The following HS6ST3 variants were observed in gnomAD, a reference collection of about 807,000 sequenced individuals.
HS6ST3 encodes heparan-sulfate 6-O-sulfotransferase 3.
HS6ST3 carries 12 observed loss-of-function variants against 36.7 expected under a neutral mutation model. The ratio of observed to expected loss-of-function variants is 0.33; its 90% CI spans 0.21 to 0.53. The LOEUF is 0.53. HS6ST3 is among the 20% of genes least tolerant of loss of function. The pLI, the probability that HS6ST3 is intolerant of heterozygous loss-of-function variation, is 0.95. For missense variants in HS6ST3, 584 were observed against 640.9 expected (o/e 0.91, Z 0.96); for synonymous variants, 240 against 257.5 (o/e 0.93, Z 0.65).
At chr13:96,183,109 T>A (rs1169049700) in intron 1 of HS6ST3, among the ~76,000 whole-genome samples, 1 of 152,214 alleles carries the variant, frequency 6.6e-6, no homozygotes, top group Non-Finnish European at 1.5e-5. Flanking sequence ...ATAATAACAA[T>A]CATTTTCATA....
intron 1 of HS6ST3, among the ~76,000 whole-genome samples, chr13:96,575,962 G>C (rs1310790941): frequency 6.6e-6 from 1 of 152,154 alleles, no homozygotes; most frequent in East Asian, 1.9e-4. Flanking sequence ...TGGGTGCCAC[G>C]CCAGTGAACA....
chr13:96,238,720 T>C (rs2054546381), intron 1 of HS6ST3, among the ~76,000 whole-genome samples: 1 of 152,258 alleles, frequency 6.6e-6, no homozygotes, highest in Admixed American at 6.5e-5. Context: ...AGTCAGGTTG[T>C]TGTCCCCTCC....
chr13:96,425,544 T>C (rs926261021), intron 1 of HS6ST3, among the ~76,000 whole-genome samples: 1 of 152,106 alleles, frequency 6.6e-6, no homozygotes, highest in Non-Finnish European at 1.5e-5. Flanking sequence ...TTCTTATTTG[T>C]AAAAAAATGA....
intron 1 of HS6ST3, among the ~76,000 whole-genome samples, chr13:96,402,972 G>T (rs1272072524): frequency 6.6e-6 from 1 of 152,196 alleles, no homozygotes; most frequent in Non-Finnish European, 1.5e-5. Context: ...GAAAGAAACA[G>T]TATAACAGTT....
intron 1 of HS6ST3, among the ~76,000 whole-genome samples, chr13:96,713,666 G>C (rs1307722917): frequency 6.6e-6 from 1 of 152,024 alleles, no homozygotes. Context: ...GTAGGGCTTT[G>C]GTAGAAGCAG....
At chr13:96,193,479 G>C (rs918081330) in intron 1 of HS6ST3, among the ~76,000 whole-genome samples, 2 of 152,164 alleles carry the variant, frequency 1.3e-5, no homozygotes, top group Non-Finnish European at 2.9e-5. Flanking sequence ...CTCTCTAAGA[G>C]AGCTGTGAAA....
chr13:96,528,043 C>A (rs549456867), intron 1 of HS6ST3, among the ~76,000 whole-genome samples: 17 of 152,224 alleles, frequency 1.1e-4, no homozygotes, highest in Non-Finnish European at 2.2e-4. Flanking sequence ...TAAGACTGAC[C>A]TTGGTAAAGC....
At chr13:96,702,112 G>T (rs1043887824) in intron 1 of HS6ST3, among the ~76,000 whole-genome samples, 1 of 152,240 alleles carries the variant, frequency 6.6e-6, no homozygotes, top group Non-Finnish European at 1.5e-5. Flanking sequence ...TGGTAAGATG[G>T]ACCGTATCGA....
chr13:96,338,992 G>A (rs1373712917), intron 1 of HS6ST3, among the ~76,000 whole-genome samples: 1 of 151,932 alleles, frequency 6.6e-6, no homozygotes, highest in Non-Finnish European at 1.5e-5. Flanking sequence ...TTCTTTTACA[G>A]AACAGTCAGT....
At chr13:96,816,366 A>G (rs1478202623) in intron 1 of HS6ST3, among the ~76,000 whole-genome samples, 4 of 152,196 alleles carry the variant, frequency 2.6e-5, no homozygotes, top group Non-Finnish European at 4.4e-5. Flanking sequence ...CCAAAAGTCT[A>G]TGCAGTTTAC....
intron 1 of HS6ST3, among the ~76,000 whole-genome samples, chr13:96,539,980 C>T (rs1360319120): frequency 6.6e-6 from 1 of 152,230 alleles, no homozygotes; most frequent in Non-Finnish European, 1.5e-5. Flanking sequence ...TGCTCAGAGT[C>T]TTCCTGATGA....
chr13:96,378,354 G>C (rs1325048218), intron 1 of HS6ST3, among the ~76,000 whole-genome samples: 1 of 152,130 alleles, frequency 6.6e-6, no homozygotes, highest in Non-Finnish European at 1.5e-5. Context: ...CTTAGCTTCG[G>C]AAGAGGTGTG....
chr13:96,805,485 A>T (rs1362502378), intron 1 of HS6ST3, among the ~76,000 whole-genome samples: 1 of 152,206 alleles, frequency 6.6e-6, no homozygotes. Context: ...GTAGTTCTTT[A>T]TAATGGACTA....
intron 1 of HS6ST3, among the ~76,000 whole-genome samples, chr13:96,516,339 G>A (rs1273434095): frequency 6.6e-6 from 1 of 152,070 alleles, no homozygotes; most frequent in Admixed American, 6.6e-5. Context: ...ATGAGTGTGA[G>A]CCACCATTCC....
chr13:96,341,958 A>G (rs2055132673), intron 1 of HS6ST3, among the ~76,000 whole-genome samples: 1 of 152,170 alleles, frequency 6.6e-6, no homozygotes, highest in African/African-American at 2.4e-5. Context: ...AAGTGTACAT[A>G]TCTTCAGTGG....
At chr13:96,671,404 A>G (rs2056682247) in intron 1 of HS6ST3, among the ~76,000 whole-genome samples, 1 of 152,136 alleles carries the variant, frequency 6.6e-6, no homozygotes, top group South Asian at 2.1e-4. Context: ...CTAACTACAA[A>G]GATGTATCCT....
chr13:96,721,684 G>C (rs1224541826), intron 1 of HS6ST3, among the ~76,000 whole-genome samples: 1 of 152,010 alleles, frequency 6.6e-6, no homozygotes, highest in Admixed American at 6.5e-5. Flanking sequence ...TAAACACATA[G>C]GGCCAGATAT....
At chr13:96,687,434 G>C (rs771847839) in intron 1 of HS6ST3, among the ~76,000 whole-genome samples, 7 of 151,846 alleles carry the variant, frequency 4.6e-5, no homozygotes, top group Non-Finnish European at 8.8e-5. Context: ...ATCTAGACAG[G>C]GTGAATTTAA....
chr13:96,711,491 C>A (rs376676610), intron 1 of HS6ST3, among the ~76,000 whole-genome samples: 8 of 152,106 alleles, frequency 5.3e-5, no homozygotes, highest in Non-Finnish European at 1.0e-4. Context: ...CTAAGTAATT[C>A]TCTGTGTGAA....
Sources: allele counts gnomAD v4.1 joint callset (sites outside exome capture counted in the v4.1 genomes callset), GRCh38; gene constraint gnomAD v4.1.1; transcripts MANE v1.5; gene names NCBI Gene and HGNC (gene_info 2026-07-23, HGNC 2026-07-21).